KCNAB1: variants seen among roughly 807,000 people sequenced by gnomAD.
The protein encoded by KCNAB1 is potassium voltage-gated channel subfamily A regulatory beta subunit 1.
KCNAB1 carries 35 observed loss-of-function variants against 64.6 expected under a neutral mutation model. The observed-to-expected ratio is 0.54, with a 90% CI of 0.41 to 0.72. KCNAB1 has a LOEUF of 0.72. Ranked by LOEUF, KCNAB1 falls within the 30% of genes least tolerant of loss-of-function variation. The pLI, the probability that KCNAB1 is intolerant of heterozygous loss-of-function variation, is 0.00. For synonymous variants in KCNAB1, 177 were observed against 183.8 expected (o/e 0.96, Z 0.30); for missense variants, 401 against 512.9 (o/e 0.78, Z 2.11).
At chr3:156,464,001 A>G (rs554574776) in intron 6 of KCNAB1, among the ~76,000 whole-genome samples, 4 of 152,324 alleles carry the variant, frequency 2.6e-5, no homozygotes, top group African/African-American at 9.6e-5. Context: ...TTTTTCAAAT[A>G]CCAATCTCAT....
chr3:156,148,261 A>G (rs1231961237), intron 1 of KCNAB1, among the ~76,000 whole-genome samples: 3 of 152,286 alleles, frequency 2.0e-5, no homozygotes, highest in Admixed American at 1.3e-4. Context: ...TATATAGGAT[A>G]TAGATTGTTA....
intron 8 of KCNAB1, 26 bp downstream of exon 8, chr3:156,474,846 C>G (rs776716574): frequency 6.5e-7 from 1 of 1,537,104 alleles, no homozygotes; most frequent in East Asian, 2.3e-5. Context: ...TAATAAAATA[C>G]TCTAGAAATC....
intron 1 of KCNAB1, among the ~76,000 whole-genome samples, chr3:156,266,193 C>T (rs967656601): frequency 9.2e-5 from 14 of 151,530 alleles, no homozygotes; most frequent in African/African-American, 2.7e-4. Context: ...TCCTACCCCT[C>T]TGCCAATATT....
At chr3:156,419,626 A>C (rs928146280) in intron 1 of KCNAB1, among the ~76,000 whole-genome samples, 4 of 152,200 alleles carry the variant, frequency 2.6e-5, no homozygotes, top group African/African-American at 7.2e-5. Flanking sequence ...AAAGACATTA[A>C]AAATACATGA....
At chr3:156,379,232 T>G (rs1711965650) in intron 1 of KCNAB1, among the ~76,000 whole-genome samples, 1 of 152,216 alleles carries the variant, frequency 6.6e-6, no homozygotes, top group Non-Finnish European at 1.5e-5. Context: ...GGGGCCCTAT[T>G]ATGTCTGCAA....
chr3:156,517,231 G>C (rs572078381), intron 11 of KCNAB1, among the ~76,000 whole-genome samples: 1 of 152,310 alleles, frequency 6.6e-6, no homozygotes, highest in East Asian at 1.9e-4. Flanking sequence ...AGTCAAGTCT[G>C]AACCACCAAT....
chr3:156,412,205 T>C (rs1714718247), intron 1 of KCNAB1, among the ~76,000 whole-genome samples: 1 of 152,224 alleles, frequency 6.6e-6, no homozygotes, highest in South Asian at 2.1e-4. Context: ...GGAATACAAT[T>C]GACTTTTATA....
chr3:156,362,641 G>A (rs1054552340), intron 1 of KCNAB1, among the ~76,000 whole-genome samples: 1 of 152,174 alleles, frequency 6.6e-6, no homozygotes, highest in Non-Finnish European at 1.5e-5. Flanking sequence ...AACAGTGTGG[G>A]ACACAGAACT....
intron 1 of KCNAB1, among the ~76,000 whole-genome samples, chr3:156,311,474 C>T (rs1199659571): frequency 6.6e-6 from 1 of 152,166 alleles, no homozygotes; most frequent in Non-Finnish European, 1.5e-5. Flanking sequence ...AAGGATAGGT[C>T]GTGGGTGAAT....
chr3:156,224,066 C>G (rs866836842), intron 1 of KCNAB1, among the ~76,000 whole-genome samples: 2 of 152,204 alleles, frequency 1.3e-5, no homozygotes, highest in Non-Finnish European at 2.9e-5. Flanking sequence ...AGCCCTGCCC[C>G]GTGGGGAGGC....
At chr3:156,516,449 G>C (rs1231726004) in intron 11 of KCNAB1, 85 bp downstream of exon 11, 4 of 959,354 alleles carry the variant, frequency 4.2e-6, no homozygotes, top group African/African-American at 1.6e-5. Flanking sequence ...GCAGCCTAGG[G>C]CTTCCCAGCT....
chr3:156,329,952 G>A (rs559112056), intron 1 of KCNAB1, among the ~76,000 whole-genome samples: 2 of 152,204 alleles, frequency 1.3e-5, no homozygotes, highest in East Asian at 3.9e-4. Context: ...CACGGAAAAT[G>A]GGGTAAATAG....
chr3:156,176,669 G>A, intron 1 of KCNAB1: 2 of 1,043,064 alleles, frequency 1.9e-6, no homozygotes, highest in Admixed American at 1.7e-5. Flanking sequence ...AGATGCTAAG[G>A]TGGATCGGTT....
At chr3:156,425,717 A>T (rs1715769237) in intron 2 of KCNAB1, among the ~76,000 whole-genome samples, 1 of 152,250 alleles carries the variant, frequency 6.6e-6, no homozygotes, top group Non-Finnish European at 1.5e-5. Flanking sequence ...TACGAGGACA[A>T]GAGCATGGAG....
intron 1 of KCNAB1, 104 bp from the exon 2 acceptor site, chr3:156,421,512 G>C: frequency 9.0e-7 from 1 of 1,105,092 alleles, no homozygotes; most frequent in Non-Finnish European, 1.4e-6. Flanking sequence ...GCCTCTATCA[G>C]GACTCATCAA....
chr3:156,228,563 C>A (rs191980788), intron 1 of KCNAB1, among the ~76,000 whole-genome samples: 6 of 152,318 alleles, frequency 3.9e-5, no homozygotes, highest in Non-Finnish European at 4.4e-5. Context: ...CCACTAGAGA[C>A]CGCTGCAGGT....
At chr3:156,293,796 A>G (rs1720607938) in intron 1 of KCNAB1, among the ~76,000 whole-genome samples, 1 of 152,188 alleles carries the variant, frequency 6.6e-6, no homozygotes, top group Non-Finnish European at 1.5e-5. Context: ...GATGTTTTCT[A>G]TGGCTGCTGC....
chr3:156,514,587 T>C, intron 9 of KCNAB1, 138 bp downstream of exon 9: 1 of 648,898 alleles, frequency 1.5e-6, no homozygotes, highest in Non-Finnish European at 2.8e-6. Context: ...AATTCCATCA[T>C]TACAGAGATG....
chr3:156,211,187 A>G (rs1026324469), intron 1 of KCNAB1, among the ~76,000 whole-genome samples: 7 of 152,208 alleles, frequency 4.6e-5, no homozygotes, highest in Non-Finnish European at 8.8e-5. Flanking sequence ...TCAAATTATC[A>G]TGACTGAAAA....
Sources: allele counts gnomAD v4.1 joint callset (sites outside exome capture counted in the v4.1 genomes callset), GRCh38; gene constraint gnomAD v4.1.1; transcripts MANE v1.5; gene names NCBI Gene and HGNC (gene_info 2026-07-23, HGNC 2026-07-21).